NAALADL2: variants seen among roughly 807,000 people sequenced by gnomAD.
NAALADL2 encodes inactive N-acetylated-alpha-linked acidic dipeptidase-like protein 2.
A neutral mutation model predicts 87.2 loss-of-function variants in NAALADL2; 76 were observed. That is an observed-to-expected ratio of 0.87 (90% CI 0.72 to 1.05). NAALADL2 has a LOEUF of 1.05. Among genes scored for constraint, NAALADL2 ranks in the 50% least tolerant of loss-of-function variants. The pLI is 0.00. For synonymous variants in NAALADL2, 354 were observed against 331.0 expected, an observed-to-expected ratio of 1.07 and a Z score of -0.75; for missense variants, 1,089 against 945.8, an observed-to-expected ratio of 1.15 and a Z score of -1.99.
At chr3:175,247,446 A>C (rs1748196759) in intron 3 of NAALADL2, among the ~76,000 whole-genome samples, 1 of 152,176 alleles carries the variant, frequency 6.6e-6, no homozygotes, top group Non-Finnish European at 1.5e-5. Flanking sequence ...TTGCCATAAT[A>C]GCTGAAATTT....
intron 2 of NAALADL2, among the ~76,000 whole-genome samples, chr3:174,695,763 A>G (rs924128352): frequency 2.6e-5 from 4 of 152,036 alleles, no homozygotes; most frequent in Non-Finnish European, 5.9e-5. Context: ...AAGCAATGCA[A>G]TTTCCTACCA....
rs149371096 is a variant in NAALADL2 at position 175,191,032 on chromosome 3, G to T, written c.546-42899G>T. Among the ~76,000 whole-genome samples the T allele has an allele frequency of 2.3e-3, 344 of 150,934 alleles. 3 individuals are homozygous for T. Among genetic ancestry groups the T allele is most frequent in the African/African-American group, 8.0e-3 (331 of 41,188 alleles). ...AAAGTAACCAATACGTAGAATGAAC[G>T]AGTCTAGAAATTAAATGTGTAACAC... On this transcript the variant is annotated intron_variant, in intron 2 of 13. Transcript: ENST00000454872.
intron 5 of NAALADL2, among the ~76,000 whole-genome samples, chr3:175,373,629 C>T (rs951516488): frequency 1.8e-4 from 27 of 152,154 alleles, no homozygotes; most frequent in Admixed American, 5.2e-4. Flanking sequence ...TGAATGTTCA[C>T]GTACAAGCCT....
intron 13 of NAALADL2, among the ~76,000 whole-genome samples, chr3:175,776,012 G>C (rs1750185492): frequency 6.6e-6 from 1 of 152,038 alleles, no homozygotes; most frequent in Admixed American, 6.6e-5. Context: ...CCGTCTAAGA[G>C]TAAAAGCGAT....
Position 174,464,330 on chromosome 3 carries a change from T to C in NAALADL2, c.-184+23298T>C, listed in dbSNP as rs538399618. 8.6e-5 allele frequency among the ~76,000 whole-genome samples: 13 copies of C among 152,020 alleles called. No homozygotes were observed. In the South Asian group the frequency reaches 2.3e-3, roughly 27 times the overall value. On this transcript the variant is annotated intron_variant, in intron 1 of 3. Transcript: ENST00000434257. ...AGTAGTTTTTATAGCACAAAAACTT[T>C]GCCGTAAGTTTAACTCTGAAATGAT... is the stretch of plus-strand genomic sequence containing the variant.
rs770071161 is a variant in NAALADL2 at position 175,466,991 on chromosome 3, T to C, written c.1340T>C (p.Ile447Thr). 4 of 1,613,022 alleles carry C rather than the reference T, an allele frequency of 2.5e-6. No homozygotes were observed. The highest frequency in any genetic ancestry group is 3.4e-6 in the Non-Finnish European group (4 of 1,179,028). ...MGLTSPDRYI[I>T]VGSHHHTAHS... ...TTTCTATTTTCAGACCGGTATATCA[T>C]AGTTGGCAGCCATCATCACACTGCA... The change falls in exon 8 of 14, where the codon ATA becomes ACA. Residue 447 changes from isoleucine to threonine, a missense_variant. Ile to Thr is a moderately conservative substitution (Grantham distance 89). Coordinates refer to ENST00000454872, the MANE Select transcript of NAALADL2 (RefSeq NM_207015.3).
intron 5 of NAALADL2, among the ~76,000 whole-genome samples, chr3:175,351,691 T>C (rs950349628): frequency 3.9e-5 from 6 of 152,026 alleles, no homozygotes; most frequent in Admixed American, 6.6e-5. Context: ...AACCAGCGAA[T>C]TGCGATATCT....
At chr3:174,766,727 C>A (rs1713848201) in intron 3 of NAALADL2, among the ~76,000 whole-genome samples, 2 of 152,132 alleles carry the variant, frequency 1.3e-5, no homozygotes. Context: ...ATTTATTTAA[C>A]AAATATTTAT....
intron 2 of NAALADL2, among the ~76,000 whole-genome samples, chr3:174,679,200 C>G (rs1364445401): frequency 6.6e-6 from 1 of 152,068 alleles, no homozygotes; most frequent in Non-Finnish European, 1.5e-5. Flanking sequence ...CCCTGTAAGT[C>G]TGAACTTCTA....
intron 5 of NAALADL2, among the ~76,000 whole-genome samples, chr3:175,441,158 G>A (rs1719676857): frequency 6.6e-6 from 1 of 151,672 alleles, no homozygotes; most frequent in Admixed American, 6.6e-5. Context: ...CACATCCATG[G>A]ATTCAACTAA....
intron 2 of NAALADL2, among the ~76,000 whole-genome samples, chr3:175,166,582 T>C (rs1734038640): frequency 6.6e-6 from 1 of 151,872 alleles, no homozygotes. Flanking sequence ...TTTTTTATTG[T>C]GGTTGGCCAT....
intron 5 of NAALADL2, among the ~76,000 whole-genome samples, chr3:175,418,908 G>A (rs1054953136): frequency 3.3e-5 from 5 of 152,086 alleles, no homozygotes; most frequent in African/African-American, 9.6e-5. Flanking sequence ...TTGAACAGTC[G>A]AGAGCAACGG....
intron 2 of NAALADL2, among the ~76,000 whole-genome samples, chr3:174,661,058 T>C (rs907852472): frequency 1.4e-4 from 22 of 152,124 alleles, no homozygotes; most frequent in Admixed American, 1.4e-3. Flanking sequence ...GAGGCCTTAC[T>C]CTTGATTAAA....
At chr3:174,975,602 A>G (rs1744258740) in intron 1 of NAALADL2, among the ~76,000 whole-genome samples, 1 of 152,200 alleles carries the variant, frequency 6.6e-6, no homozygotes, top group Admixed American at 6.5e-5. Flanking sequence ...TTGGTGGGAT[A>G]GTTATGCCTT....
chr3:174,616,061 T>C (rs1295928397), intron 2 of NAALADL2, among the ~76,000 whole-genome samples: 2 of 152,124 alleles, frequency 1.3e-5, no homozygotes, highest in East Asian at 3.9e-4. Flanking sequence ...ATAAGGGGAC[T>C]AGTTTTCTAC....
chr3:175,730,395 GATATATATATATATATATATATATAT>G (rs5854656), intron 11 of NAALADL2, among the ~76,000 whole-genome samples: 626 of 55,746 alleles, frequency 0.011, 21 homozygotes, highest in East Asian at 0.042. Context: ...ACTTAATACA[GATATATATATATATATATATATATAT>G]ATATATATAT....
intron 3 of NAALADL2, among the ~76,000 whole-genome samples, chr3:175,245,409 T>A (rs1230540899): frequency 4.6e-5 from 7 of 152,200 alleles, no homozygotes; most frequent in African/African-American, 1.7e-4. Flanking sequence ...GGAAATGAAA[T>A]CCTGACAAAA....
chr3:175,481,335 C>CTGTGTGTGTGTGTGTGTG (rs3040504), intron 9 of NAALADL2, among the ~76,000 whole-genome samples: 35 of 143,994 alleles, frequency 2.4e-4, no homozygotes, highest in African/African-American at 7.1e-4. Flanking sequence ...AACAATGCCA[C>CTGTGTGTGTGTGTGTGTG]TGTGTGTGTG....
chr3:175,565,098 A>G (rs1716896518), intron 9 of NAALADL2, among the ~76,000 whole-genome samples: 2 of 152,220 alleles, frequency 1.3e-5, no homozygotes, highest in African/African-American at 4.8e-5. Flanking sequence ...TGAGGAACTT[A>G]TTCCTTGTTC....
Sources: allele counts gnomAD v4.1 joint callset (sites outside exome capture counted in the v4.1 genomes callset), GRCh38; gene constraint gnomAD v4.1.1; transcripts MANE v1.5; gene names NCBI Gene and HGNC (gene_info 2026-07-23, HGNC 2026-07-21).